Variants in GRID1 observed in about 807,000 individuals in gnomAD.
GRID1 encodes glutamate receptor ionotropic, delta-1.
A neutral mutation model predicts 98.0 loss-of-function variants in GRID1; 28 were observed. The observed-to-expected ratio is 0.29, with a 90% CI of 0.21 to 0.39. GRID1 has a LOEUF of 0.39. Among genes scored for constraint, GRID1 ranks in the 10% least tolerant of loss-of-function variants. The probability of loss-of-function intolerance (pLI) is 1.00; values close to 1 mark genes in which losing one functional copy is unlikely to be tolerated. For missense variants in GRID1, 1,111 were observed against 1,340.5 expected (o/e 0.83, Z 2.67); for synonymous variants, 553 against 538.5 (o/e 1.03, Z -0.37).
At chr10:85,837,590 C>T (rs1222973458) in intron 8 of GRID1, among the ~76,000 whole-genome samples, 1 of 151,920 alleles carries the variant, frequency 6.6e-6, no homozygotes, top group Non-Finnish European at 1.5e-5. Context: ...AGTGAATCCA[C>T]CTTATACTAC....
chr10:85,999,626 A>C (rs1842781813), intron 4 of GRID1, among the ~76,000 whole-genome samples: 1 of 152,248 alleles, frequency 6.6e-6, no homozygotes. Flanking sequence ...TGTCATGGCC[A>C]TGTTGGATTT....
chr10:86,162,240 G>A (rs1317485130), intron 3 of GRID1, among the ~76,000 whole-genome samples: 3 of 152,154 alleles, frequency 2.0e-5, no homozygotes, highest in African/African-American at 7.2e-5. Flanking sequence ...GAGGAAAAAG[G>A]GAAGAGGGTG....
At chr10:86,138,331 A>C (rs1844959160) in intron 4 of GRID1, among the ~76,000 whole-genome samples, 1 of 152,206 alleles carries the variant, frequency 6.6e-6, no homozygotes, top group Admixed American at 6.5e-5. Flanking sequence ...ATTCACACTG[A>C]TTATTAGCCC....
rs142828251 is a variant in GRID1 at position 86,082,208 on chromosome 10, G to A, written c.726+56611C>T. 4.1e-3 allele frequency among the ~76,000 whole-genome samples: 624 copies of A among 152,262 alleles called. 4 individuals are homozygous for A. The highest frequency in any genetic ancestry group is 0.014 in the African/African-American group (592 of 41,572). ...AAAAAAGGAAAAATAATAGCAAGAC[G>A]TAACTACAGAAGAAGCAGTTTCAGA... On this transcript the variant is annotated intron_variant, in intron 4 of 15. Transcript: ENST00000327946.
At chr10:85,810,636 C>T (rs954103605) in intron 8 of GRID1, among the ~76,000 whole-genome samples, 7 of 152,192 alleles carry the variant, frequency 4.6e-5, no homozygotes, top group Admixed American at 1.3e-4. Context: ...TCACTCCCAA[C>T]TGGAGATGAA....
At chr10:86,075,937 A>C (rs745331478) in intron 4 of GRID1, among the ~76,000 whole-genome samples, 4 of 152,244 alleles carry the variant, frequency 2.6e-5, no homozygotes, top group Non-Finnish European at 5.9e-5. Context: ...CCACGGAGCC[A>C]AGCAAGTTGG....
chr10:85,879,046 G>T (rs1258784459), intron 5 of GRID1, among the ~76,000 whole-genome samples: 4 of 151,638 alleles, frequency 2.6e-5, no homozygotes, highest in Non-Finnish European at 4.4e-5. Context: ...GATGGTAAAG[G>T]GATCAATTCA....
At chr10:85,943,695 C>T (rs1236163069) in intron 4 of GRID1, among the ~76,000 whole-genome samples, 4 of 151,998 alleles carry the variant, frequency 2.6e-5, no homozygotes, top group African/African-American at 9.7e-5. Flanking sequence ...ACATGCCAAG[C>T]AAGTGGTTAA....
chr10:85,865,803 C>A (rs1223423916), intron 6 of GRID1, among the ~76,000 whole-genome samples: 1 of 150,984 alleles, frequency 6.6e-6, no homozygotes, highest in Non-Finnish European at 1.5e-5. Flanking sequence ...AGTTGTTGGG[C>A]AGGATGAATA....
intron 4 of GRID1, among the ~76,000 whole-genome samples, chr10:85,927,861 A>G (rs1841797607): frequency 6.6e-6 from 1 of 152,206 alleles, no homozygotes; most frequent in African/African-American, 2.4e-5. Flanking sequence ...CACAAGCGAG[A>G]GCATTTTAAA....
intron 1 of GRID1, among the ~76,000 whole-genome samples, chr10:86,364,752 G>A (rs926420593): frequency 2.6e-5 from 4 of 152,218 alleles, no homozygotes; most frequent in Admixed American, 6.5e-5. Flanking sequence ...TACGTCTGTC[G>A]AGGGGAGTGG....
At chr10:86,307,716 A>G (rs1847777776) in intron 2 of GRID1, among the ~76,000 whole-genome samples, 1 of 152,204 alleles carries the variant, frequency 6.6e-6, no homozygotes, top group African/African-American at 2.4e-5. Context: ...AATGTTAACT[A>G]TATGAGGTGA....
rs1423411843 is a variant in GRID1 at position 86,358,639 on chromosome 10, T to A, written c.235+5302A>T. On this transcript the variant is annotated intron_variant, in intron 2 of 15. Coordinates refer to ENST00000327946, the MANE Select transcript of GRID1 (RefSeq NM_017551.3). ...CGGGCATGGTGGCGGGCGCCTGTAGTCCCAGCTACTCGGGAGGCTGAGGCG... is the reference window on the plus strand; with the variant it reads ...CGGGCATGGTGGCGGGCGCCTGTAGACCCAGCTACTCGGGAGGCTGAGGCG... Among the ~76,000 whole-genome samples, 6 of 151,800 alleles carry A rather than the reference T, an allele frequency of 4.0e-5. No individual in the cohort carries two copies. The East Asian group carries it at 5.8e-4, about 15-fold the overall frequency.
At chr10:86,039,182 G>GAC (rs1050671498) in intron 4 of GRID1, among the ~76,000 whole-genome samples, 20 of 151,904 alleles carry the variant, frequency 1.3e-4, no homozygotes, top group Admixed American at 1.2e-3. Context: ...ATGCAAATAG[G>GAC]ACCTTGTCAT....
chr10:85,753,398 G>A (rs770258073), intron 8 of GRID1, among the ~76,000 whole-genome samples: 6 of 152,042 alleles, frequency 3.9e-5, no homozygotes, highest in Admixed American at 6.6e-5. Context: ...TAAATGATTC[G>A]GCTGGTAAAG....
chr10:85,844,316 A>G (rs1842986526), intron 8 of GRID1, among the ~76,000 whole-genome samples: 2 of 152,042 alleles, frequency 1.3e-5, no homozygotes, highest in African/African-American at 4.8e-5. Context: ...TGGTCATAAA[A>G]GAGAAAATGG....
intron 13 of GRID1, among the ~76,000 whole-genome samples, chr10:85,623,012 A>T (rs1420410063): frequency 6.6e-6 from 1 of 152,158 alleles, no homozygotes; most frequent in East Asian, 1.9e-4. Flanking sequence ...GACAGGGCCA[A>T]ATCAGAAGCT....
chr10:85,821,103 C>T (rs1371881387), intron 8 of GRID1, among the ~76,000 whole-genome samples: 2 of 151,810 alleles, frequency 1.3e-5, no homozygotes, highest in Non-Finnish European at 2.9e-5. Context: ...GACCTCTTAA[C>T]AAACATTAAC....
At chr10:86,041,646 C>A (rs1843346829) in intron 4 of GRID1, among the ~76,000 whole-genome samples, 1 of 152,196 alleles carries the variant, frequency 6.6e-6, no homozygotes, top group Admixed American at 6.5e-5. Flanking sequence ...TAACCCAGGA[C>A]AGGTCCCCTG....
Sources: gnomAD v4.1 joint callset for allele counts (sites outside exome capture counted in the v4.1 genomes callset) on GRCh38, gnomAD v4.1.1 for gene constraint, MANE v1.5 for transcripts, NCBI Gene and HGNC (gene_info 2026-07-23, HGNC 2026-07-21) for gene names.